Variants in NDUFAF2 observed in about 807,000 individuals in gnomAD.
NDUFAF2 encodes NADH:ubiquinone oxidoreductase complex assembly factor 2.
In NDUFAF2, 13 loss-of-function variants were observed where a neutral mutation model predicts 22.8. The observed-to-expected ratio is 0.57, with a 90% CI of 0.37 to 0.91. The LOEUF (loss-of-function observed/expected upper bound fraction) is 0.91. Ranked by LOEUF, NDUFAF2 falls within the 40% of genes least tolerant of loss-of-function variation. The pLI, the probability that NDUFAF2 is intolerant of heterozygous loss-of-function variation, is 0.01. For missense variants in NDUFAF2, 162 were observed against 195.2 expected (o/e 0.83, Z 1.01); for synonymous variants, 53 against 64.2 (o/e 0.83, Z 0.84).
chr5:61,147,251 G>A (rs1377717881), intron 3 of NDUFAF2, among the ~76,000 whole-genome samples: 1 of 150,764 alleles, frequency 6.6e-6, no homozygotes, highest in Non-Finnish European at 1.5e-5. Context: ...CCAAACTTTT[G>A]GAAGCTTTTT....
At chr5:61,126,056 A>G (rs1237429906) in intron 3 of NDUFAF2, among the ~76,000 whole-genome samples, 1 of 152,066 alleles carries the variant, frequency 6.6e-6, no homozygotes, top group African/African-American at 2.4e-5. Flanking sequence ...TCTGCTTAAA[A>G]TAAGTGTCAT....
At chr5:61,146,361 C>T (rs2111831251) in intron 3 of NDUFAF2, 1 of 152,276 alleles carries the variant, frequency 6.6e-6, no homozygotes, top group South Asian at 2.1e-4. Flanking sequence ...CAATGAAGTC[C>T]TTCATTCTGA....
chr5:60,983,061 G>T (rs1190980301), intron 1 of NDUFAF2, among the ~76,000 whole-genome samples: 1 of 151,092 alleles, frequency 6.6e-6, no homozygotes, highest in Admixed American at 6.6e-5. Flanking sequence ...TCCAACACCT[G>T]TTGTTTCCTG....
intron 1 of NDUFAF2, among the ~76,000 whole-genome samples, chr5:61,017,973 A>G (rs964449599): frequency 1.3e-5 from 2 of 152,028 alleles, no homozygotes; most frequent in Non-Finnish European, 2.9e-5. Flanking sequence ...GCTGATCTTG[A>G]ACTCCTGACC....
intron 1 of NDUFAF2, among the ~76,000 whole-genome samples, chr5:60,967,003 T>G (rs1299263410): frequency 6.6e-6 from 1 of 152,124 alleles, no homozygotes; most frequent in African/African-American, 2.4e-5. Context: ...TTCAGTTGTG[T>G]ACACTGCAGT....
At chr5:61,111,700 G>A (rs1752843017) in intron 3 of NDUFAF2, among the ~76,000 whole-genome samples, 1 of 151,622 alleles carries the variant, frequency 6.6e-6, no homozygotes. Context: ...GTCACTCCAA[G>A]CTCTGCCTCC....
At chr5:61,019,593 AC>A (rs921901687) in intron 1 of NDUFAF2, among the ~76,000 whole-genome samples, 1 of 152,076 alleles carries the variant, frequency 6.6e-6, no homozygotes, top group African/African-American at 2.4e-5. Context: ...TTTTCCAGCA[AC>A]AAGGCAATCT....
chr5:61,070,009 ATT>A lies in NDUFAF2; in HGVS notation c.128-3115_128-3114del, dbSNP rs142564020. ...ACCCTGTGTTTCAATTAAATATAAT[ATT>A]GTTTAGTATTAAATAAAACAACTGT... is the stretch of plus-strand genomic sequence containing the variant. On this transcript the variant is annotated intron_variant, in intron 1 of 3. Transcript: ENST00000296597. Among the ~76,000 whole-genome samples the A allele has an allele frequency of 1.5e-3, 221 of 152,206 alleles. 6 individuals are homozygous for A. The East Asian group carries it at 0.041, about 28-fold the overall frequency.
At chr5:60,952,411 A>C (rs555554880) in intron 1 of NDUFAF2, among the ~76,000 whole-genome samples, 124 of 152,078 alleles carry the variant, frequency 8.2e-4, no homozygotes, top group African/African-American at 2.8e-3. Flanking sequence ...CATGTAACGA[A>C]TATATTTTCT....
intron 1 of NDUFAF2, among the ~76,000 whole-genome samples, chr5:60,962,710 G>A (rs1206891277): frequency 1.3e-5 from 2 of 151,480 alleles, no homozygotes; most frequent in African/African-American, 4.8e-5. Context: ...GCACGCGCCT[G>A]TAGTCCCAGC....
At chr5:61,078,445 C>T (rs1752396443) in intron 2 of NDUFAF2, among the ~76,000 whole-genome samples, 1 of 151,914 alleles carries the variant, frequency 6.6e-6, no homozygotes, top group African/African-American at 2.4e-5. Flanking sequence ...TTTTTTCAAA[C>T]ATATAGAAGA....
At chr5:60,952,437 A>G (rs557595009) in intron 1 of NDUFAF2, among the ~76,000 whole-genome samples, 5 of 151,938 alleles carry the variant, frequency 3.3e-5, no homozygotes, top group East Asian at 3.9e-4. Context: ...ATTTTTTCCT[A>G]TATGACCTAT....
At chr5:60,953,870 C>A (rs1750580196) in intron 1 of NDUFAF2, among the ~76,000 whole-genome samples, 1 of 151,986 alleles carries the variant, frequency 6.6e-6, no homozygotes, top group African/African-American at 2.4e-5. Flanking sequence ...AATAGTAAAG[C>A]TTTTTTTCAA....
chr5:61,090,690 A>T (rs887113192), intron 2 of NDUFAF2, among the ~76,000 whole-genome samples: 5 of 152,108 alleles, frequency 3.3e-5, no homozygotes, highest in Non-Finnish European at 5.9e-5. Context: ...ATTTTTAAAA[A>T]AACTTTTATT....
At chr5:60,974,082 G>A (rs953841661) in intron 1 of NDUFAF2, among the ~76,000 whole-genome samples, 1 of 152,202 alleles carries the variant, frequency 6.6e-6, no homozygotes, top group Non-Finnish European at 1.5e-5. Context: ...TAAGCCAAAG[G>A]AGATTAACAT....
chr5:61,126,959 C>T (rs1753044341), intron 3 of NDUFAF2, among the ~76,000 whole-genome samples: 1 of 151,992 alleles, frequency 6.6e-6, no homozygotes. Context: ...GGGATATCAC[C>T]ACCGATCCCA....
At chr5:61,008,219 G>A (rs1307077146) in intron 1 of NDUFAF2, among the ~76,000 whole-genome samples, 1 of 151,550 alleles carries the variant, frequency 6.6e-6, no homozygotes, top group Non-Finnish European at 1.5e-5. Flanking sequence ...GAGTTAATGG[G>A]TGCAGCGCAC....
intron 1 of NDUFAF2, among the ~76,000 whole-genome samples, chr5:60,966,838 C>A (rs1750764036): frequency 6.6e-6 from 1 of 152,054 alleles, no homozygotes; most frequent in Admixed American, 6.5e-5. Flanking sequence ...TCTTTGGTGG[C>A]TTCACTGAAA....
At chr5:61,076,082 T>G (rs551842044) in intron 2 of NDUFAF2, among the ~76,000 whole-genome samples, 2 of 152,260 alleles carry the variant, frequency 1.3e-5, no homozygotes, top group Non-Finnish European at 2.9e-5. Context: ...TTTTTTTGTT[T>G]GTTTTTTAAG....
Sources: allele counts gnomAD v4.1 joint callset (sites outside exome capture counted in the v4.1 genomes callset), GRCh38; gene constraint gnomAD v4.1.1; transcripts MANE v1.5; gene names NCBI Gene and HGNC (gene_info 2026-07-23, HGNC 2026-07-21).